The following CD52 variants were observed in gnomAD, a reference collection of about 807,000 sequenced individuals.
The protein encoded by CD52 is CAMPATH-1 antigen.
Under a neutral mutation model 2.5 loss-of-function variants are expected in CD52, and 2 were observed. The observed-to-expected ratio is 0.79, with a 90% CI of 0.32 to 2.48. The LOEUF is 2.48. Among genes scored for constraint, CD52 ranks in the 30% most tolerant of loss-of-function variants. CD52 has a pLI of 0.11. For missense variants in CD52, 62 were observed against 75.8 expected, an observed-to-expected ratio of 0.82 and a Z score of 0.68; for synonymous variants, 24 against 27.7, an observed-to-expected ratio of 0.87 and a Z score of 0.42.
chr1:26,320,500 A>G lies in CD52; in HGVS notation c.*198A>G. 1.6e-6 allele frequency: 1 copy of G among 618,024 alleles called. No individual in the cohort carries two copies. The highest frequency in any genetic ancestry group is 2.7e-6 in the Non-Finnish European group (1 of 372,126). 38.3% of individuals were successfully genotyped at this position (618,024 alleles called of 1,614,324 possible). On this transcript the variant is annotated 3_prime_UTR_variant, in exon 2 of 2. Coordinates refer to ENST00000374213, the MANE Select transcript of CD52 (RefSeq NM_001803.3). Reference sequence around the variant, plus strand: ...GCCAAGCAGTGCCCAGCTGGGGGTCAATAAAGTTACCCTTGTACTTGCAGT... The same window carrying G: ...GCCAAGCAGTGCCCAGCTGGGGGTCGATAAAGTTACCCTTGTACTTGCAGT...
Position 26,320,276 on chromosome 1 carries a change from A to G in CD52, c.160A>G (p.Ile54Val), listed in dbSNP as rs778303094. Residue 54 changes from isoleucine to valine, a missense_variant, in exon 2 of 2, where the codon ATA becomes GTA. Transcript: ENST00000374213. ...GIFLFFVANA[I>V]IHLFCFS ...TTTCCTTTTCTTCGTGGCCAATGCC[A>G]TAATCCACCTCTTCTGCTTCAGTTG... 1 of 1,613,494 alleles carries G rather than the reference A, an allele frequency of 6.2e-7. No homozygotes were observed. The highest frequency in any genetic ancestry group is 8.5e-7 in the Non-Finnish European group (1 of 1,179,820).
intron 1 of CD52, among the ~76,000 whole-genome samples, chr1:26,319,333 G>A (rs1288988937): frequency 6.6e-6 from 1 of 151,966 alleles, no homozygotes; most frequent in Non-Finnish European, 1.5e-5. Context: ...GGTGGCGGGC[G>A]CCTGTAGTCC....
At chr1:26,318,092 C>G (rs762409722) in intron 1 of CD52, 21 bp downstream of exon 1, 31 of 1,608,118 alleles carry the variant, frequency 1.9e-5, no homozygotes, top group Non-Finnish European at 2.6e-5. Flanking sequence ...CGCCTGGCAC[C>G]ACTGCCAGGA....
chr1:26,319,464 G>GAAAA (rs146201400), intron 1 of CD52, among the ~76,000 whole-genome samples: 1 of 134,188 alleles, frequency 7.5e-6, no homozygotes. Context: ...CTCTGTCTCG[G>GAAAA]AAAAAAAAAA....
chr1:26,318,244 C>T (rs2073818568), intron 1 of CD52, 173 bp downstream of exon 1: 1 of 618,644 alleles, frequency 1.6e-6, no homozygotes, highest in Admixed American at 2.9e-5. Context: ...AGCCTTCCAG[C>T]TCTTCTGGCT....
intron 1 of CD52, among the ~76,000 whole-genome samples, chr1:26,319,747 C>T (rs2073833670): frequency 6.6e-6 from 1 of 151,926 alleles, no homozygotes; most frequent in Non-Finnish European, 1.5e-5. Flanking sequence ...GAACTGAGGA[C>T]TGTTTTATGG....
chr1:26,319,026 T>G (rs1005275002), intron 1 of CD52: 1 of 152,468 alleles, frequency 6.6e-6, no homozygotes, highest in African/African-American at 2.4e-5. Flanking sequence ...AAAGGTTCTG[T>G]GACCGGGCAC....
At chr1:26,319,437 C>T (rs2073829773) in intron 1 of CD52, among the ~76,000 whole-genome samples, 2 of 139,862 alleles carry the variant, frequency 1.4e-5, no homozygotes, top group African/African-American at 2.7e-5. Context: ...CCAGCCTGGG[C>T]GGGCGACAGA....
At chr1:26,318,256 G>T in intron 1 of CD52, 185 bp downstream of exon 1, 1 of 595,418 alleles carries the variant, frequency 1.7e-6, no homozygotes, top group Admixed American at 3.0e-5. Flanking sequence ...CTTCTGGCTG[G>T]GGCTGCACTG....
chr1:26,319,893 G>A (rs1317009185), intron 1 of CD52, among the ~76,000 whole-genome samples: 6 of 151,986 alleles, frequency 3.9e-5, no homozygotes, highest in Non-Finnish European at 5.9e-5. Flanking sequence ...AGGCCGAGGC[G>A]GGTGGATCAC....
In CD52 at chr1:26,320,410, G is replaced by A; in HGVS notation, c.*108G>A. Reference sequence around the variant, plus strand: ...AGGGGTTGATGCCAGACATCACCAGGTTGTAGAAGTTGACAGGCAGTGCCA... The same window carrying A: ...AGGGGTTGATGCCAGACATCACCAGATTGTAGAAGTTGACAGGCAGTGCCA... On this transcript the variant is annotated 3_prime_UTR_variant, in exon 2 of 2. Coordinates refer to ENST00000374213, the MANE Select transcript of CD52 (RefSeq NM_001803.3). 7.0e-7 allele frequency: 1 copy of A among 1,424,786 alleles called. No homozygotes were observed. Among genetic ancestry groups the A allele is most frequent in the Non-Finnish European group, 9.4e-7 (1 of 1,063,386 alleles). The allele number at this position is 1,424,786 out of a possible 1,614,324, so 88.3% of individuals were successfully genotyped here. A position where few individuals can be genotyped will look rare whatever the true frequency, so the allele number is the denominator to read the frequency against.
rs141117966 is a variant in CD52, at chr1:26,318,024, C to T, written c.7C>T (p.Arg3Cys). 2.0e-5 allele frequency: 33 copies of T among 1,614,008 alleles called. No homozygotes were observed. The highest frequency in any genetic ancestry group is 1.3e-4 in the African/African-American group (10 of 74,922). ...CCACGAAGATCCTACCAAAATGAAG[C>T]GCTTCCTCTTCCTCCTACTCACCAT... MK[R>C]FLFLLLTISL... Residue 3 changes from arginine to cysteine, a missense_variant, in exon 1 of 2, where the codon CGC becomes TGC. Physicochemically the swap from Arg to Cys is radical, Grantham distance 180 (BLOSUM62 -3). Coordinates refer to ENST00000374213, the MANE Select transcript of CD52 (RefSeq NM_001803.3).
Position 26,320,152 on chromosome 1 carries a change from C to A in CD52, c.55-19C>A. 6.2e-7 allele frequency: 1 copy of A among 1,602,446 alleles called. No homozygotes were observed. The highest frequency in any genetic ancestry group is 8.5e-7 in the Non-Finnish European group (1 of 1,176,086). On this transcript the variant is annotated intron_variant, in intron 1 of 1. Coordinates refer to ENST00000374213, the MANE Select transcript of CD52 (RefSeq NM_001803.3). ...AAAAAAAAAAGTCCCCTGATCTTAT[C>A]CCACTTCTCCTCCTACAGATACAAA...
At position 26,320,371 on chromosome 1, in the gene CD52, C is replaced by A; in HGVS notation, c.*69C>A. On this transcript the variant is annotated 3_prime_UTR_variant, in exon 2 of 2. Transcript: ENST00000374213. ...GCCACCATCACTCGCAAGAGAATCC[C>A]CTCCATCTTTGGGAGGGGTTGATGC... 1 of 1,539,596 alleles carries A rather than the reference C, an allele frequency of 6.5e-7. No homozygotes were observed. Among genetic ancestry groups the A allele is most frequent in the Non-Finnish European group, 8.7e-7 (1 of 1,146,060 alleles).
At chr1:26,319,352 CG>C (rs1273508987) in intron 1 of CD52, among the ~76,000 whole-genome samples, 1 of 151,244 alleles carries the variant, frequency 6.6e-6, no homozygotes, top group Non-Finnish European at 1.5e-5. Context: ...CCCAGCTACT[CG>C]GGAGGCTGAG....
intron 1 of CD52, chr1:26,318,302 G>A: frequency 1.9e-6 from 1 of 535,172 alleles, no homozygotes; most frequent in Non-Finnish European, 3.4e-6. Flanking sequence ...TGTATCCACA[G>A]CTGGGGAGCA....
chr1:26,319,152 T>G (rs758323631), intron 1 of CD52, among the ~76,000 whole-genome samples: 5 of 151,758 alleles, frequency 3.3e-5, no homozygotes, highest in Non-Finnish European at 5.9e-5. Flanking sequence ...CTACTAAAAA[T>G]ACAAAAATTA....
rs1162233201 is a variant in CD52 at position 26,320,055 on chromosome 1, G to A, written c.55-116G>A. On this transcript the variant is annotated intron_variant, in intron 1 of 1. Coordinates refer to ENST00000374213, the MANE Select transcript of CD52 (RefSeq NM_001803.3). ...GAATCACTTGAACCCGGGAGGTGGA[G>A]GATGCAGTGAGCCGAGATCGCATCA... is the stretch of plus-strand genomic sequence containing the variant. 6.4e-6 allele frequency: 8 copies of A among 1,258,172 alleles called. No individual in the cohort carries two copies. The African/African-American group carries it at 1.2e-4, about 19-fold the overall frequency. 77.9% of individuals were successfully genotyped at this position (1,258,172 alleles called of 1,614,324 possible).
intron 1 of CD52, among the ~76,000 whole-genome samples, chr1:26,319,948 C>T (rs1341794697): frequency 1.3e-5 from 2 of 151,716 alleles, no homozygotes; most frequent in East Asian, 1.9e-4. Flanking sequence ...GGTGAAACCC[C>T]GTCTCTACTA....
Sources: allele counts gnomAD v4.1 joint callset (sites outside exome capture counted in the v4.1 genomes callset), GRCh38; gene constraint gnomAD v4.1.1; transcripts MANE v1.5; gene names NCBI Gene and HGNC (gene_info 2026-07-23, HGNC 2026-07-21).